The following PI4KB variants were observed in gnomAD, a reference collection of about 807,000 sequenced individuals.
PI4KB encodes the protein PtdIns 4-kinase beta.
PI4KB carries 23 observed loss-of-function variants against 81.4 expected under a neutral mutation model. The observed-to-expected ratio is 0.28, with a 90% CI of 0.20 to 0.40. The LOEUF is 0.40. Among genes scored for constraint, PI4KB ranks in the 10% least tolerant of loss-of-function variants. PI4KB has a pLI of 1.00. For missense variants in PI4KB, 651 were observed against 1,036.6 expected (o/e 0.63, Z 5.11); for synonymous variants, 381 against 406.8 (o/e 0.94, Z 0.76).
At chr1:151,303,355 A>G (rs770086760) in intron 6 of PI4KB, 186 bp downstream of exon 6, 5 of 596,974 alleles carry the variant, frequency 8.4e-6, no homozygotes, top group Non-Finnish European at 1.5e-5. Flanking sequence ...CTTCTTTGGT[A>G]GCCCAAGTAA....
rs1044578917 is a variant in PI4KB at position 151,292,776 on chromosome 1, G to A, written c.*76C>T. The A allele has an allele frequency of 4.4e-6, 6 of 1,375,608 alleles. No homozygotes were observed. The highest frequency in any genetic ancestry group is 4.0e-6 in the Non-Finnish European group (4 of 999,254). The allele number at this position is 1,375,608 out of a possible 1,614,324, so 85.2% of individuals were successfully genotyped here. A position where few individuals can be genotyped will look rare whatever the true frequency, so the allele number is the denominator to read the frequency against. ...ATGGTTGGGTAGGTGGGGTTTCCTG[G>A]TTTGGGGTTTCTCAGACAAGGGCCC... is the stretch of plus-strand genomic sequence containing the variant. On this transcript the variant is annotated 3_prime_UTR_variant, in exon 12 of 12. Coordinates refer to ENST00000368873, the MANE Select transcript of PI4KB (RefSeq NM_001369623.2).
In PI4KB at chr1:151,293,863, A is replaced by C. The variant is rs1224290097; in HGVS notation, c.2269+155T>G. On this transcript the variant is annotated intron_variant, in intron 11 of 11. Coordinates refer to ENST00000368873, the MANE Select transcript of PI4KB (RefSeq NM_001369623.2). ...TTACCAGGGTCAGGAGGAATGTCCT[A>C]AAGGAGAAACAAGGCACTGGACCAG... The C allele has an allele frequency of 5.1e-6, 4 of 786,888 alleles. No homozygotes were observed. In the South Asian group the frequency reaches 7.2e-5, roughly 14 times the overall value. The allele number at this position is 786,888 out of a possible 1,614,324, so 48.7% of individuals were successfully genotyped here. A position where few individuals can be genotyped will look rare whatever the true frequency, so the allele number is the denominator to read the frequency against.
In PI4KB at chr1:151,310,198, T is replaced by G. The variant is rs777327915; in HGVS notation, c.954+13A>C. 1 of 1,597,154 alleles carries G rather than the reference T, an allele frequency of 6.3e-7. No homozygotes were observed. Among genetic ancestry groups the G allele is most frequent in the East Asian group, 2.3e-5 (1 of 44,132 alleles). ...GGGAGCCTGCCACCCCGTCCCAGCC[T>G]GGCCCCACTTACGGAACTGAATGAA... is the stretch of plus-strand genomic sequence containing the variant. On this transcript the variant is annotated intron_variant, in intron 3 of 11. Coordinates refer to ENST00000368873, the MANE Select transcript of PI4KB (RefSeq NM_001369623.2).
intron 1 of PI4KB, among the ~76,000 whole-genome samples, chr1:151,325,887 T>G (rs1211090525): frequency 6.6e-6 from 1 of 152,172 alleles, no homozygotes; most frequent in East Asian, 1.9e-4. Context: ...AGTGGGCATT[T>G]TCCAAAAGGA....
Position 151,291,894 on chromosome 1 carries a change from G to A in PI4KB, c.*958C>T, listed in dbSNP as rs1694293076. The stretch of plus-strand genomic sequence containing the variant: ...AACCAGACCATTAAAACTGTTTGTG[G>A]TCGAATCTCCATTCAGGCCTCTCTT... On this transcript the variant is annotated 3_prime_UTR_variant, in exon 12 of 12. Transcript: ENST00000368873. 6.6e-6 allele frequency: 1 copy of A among 152,144 alleles called. No homozygotes were observed. Among genetic ancestry groups the A allele is most frequent in the Admixed American group, 6.6e-5 (1 of 15,256 alleles). 9.4% of individuals were successfully genotyped at this position (152,144 alleles called of 1,614,324 possible).
chr1:151,304,346 T>TG (rs1455647877), intron 5 of PI4KB, among the ~76,000 whole-genome samples: 13 of 150,686 alleles, frequency 8.6e-5, no homozygotes, highest in Middle Eastern at 3.4e-3. Context: ...GCTGTGTGTT[T>TG]TTTTTTTTTT....
chr1:151,292,351 C>CAGGGGTCGGTCCCTGGG lies in PI4KB; in HGVS notation c.*484_*500dup, dbSNP rs1178751860. 3.8e-5 allele frequency: 6 copies of CAGGGGTCGGTCCCTGGG among 156,728 alleles called. No homozygotes were observed. The highest frequency in any genetic ancestry group is 1.5e-4 in the African/African-American group (6 of 41,372). 9.7% of individuals were successfully genotyped at this position (156,728 alleles called of 1,614,324 possible). ...GCCCGCCAGCAAGGGGAGCTTGGGC[C>CAGGGGTCGGTCCCTGGG]AGGGGTCGGTCCCTGGGAGGGGTAG... On this transcript the variant is annotated 3_prime_UTR_variant, in exon 12 of 12. Transcript: ENST00000368873.
intron 5 of PI4KB, 132 bp downstream of exon 5, chr1:151,306,004 C>T: frequency 3.1e-6 from 2 of 654,876 alleles, no homozygotes; most frequent in Non-Finnish European, 2.7e-6. Context: ...CATATTACCC[C>T]TCACTACCTA....
Position 151,315,606 on chromosome 1 carries a change from T to C in PI4KB, c.876A>G (p.Thr292=). ...CATTCTCCACTTTAGGGTTGCTGGC[T>C]GTTCGTTTCAGGTTGCTGCTGAGAC... ...SISLSSNLKR[T]ASNPKVENED... is the part of the protein sequence containing the mutation. Residue 292 remains threonine (T), a synonymous_variant, in exon 2 of 12, where the codon ACA becomes ACG. Coordinates refer to ENST00000368873, the MANE Select transcript of PI4KB (RefSeq NM_001369623.2). 1 of 1,614,102 alleles carries C rather than the reference T, an allele frequency of 6.2e-7. No individual in the cohort carries two copies. The highest frequency in any genetic ancestry group is 8.5e-7 in the Non-Finnish European group (1 of 1,180,012).
Position 151,315,739 on chromosome 1 carries a change from G to C in PI4KB, c.743C>G (p.Ala248Gly). 6.2e-7 allele frequency: 1 copy of C among 1,613,928 alleles called. No individual in the cohort carries two copies. The highest frequency in any genetic ancestry group is 8.5e-7 in the Non-Finnish European group (1 of 1,179,904). ...KLILSDELKP[A>G]HRKRELPSLS... is the part of the protein sequence containing the mutation. ...GGAGGGCAGCTCCCTCTTCCTGTGA[G>C]CTGGCTTTAGCTCATCTGAGAGGAT... Residue 248 changes from alanine (A) to glycine (G), a missense_variant, in exon 2 of 12, where the codon GCT becomes GGT. Transcript: ENST00000368873.
At chr1:151,301,060 C>T (rs777937766) in intron 8 of PI4KB, 1 of 152,222 alleles carries the variant, frequency 6.6e-6, no homozygotes, top group Admixed American at 6.5e-5. Flanking sequence ...CAAAAGAGGC[C>T]GCTGTGGAGC....
chr1:151,301,256 C>T (rs1336994764), intron 8 of PI4KB, among the ~76,000 whole-genome samples: 1 of 152,206 alleles, frequency 6.6e-6, no homozygotes, highest in Non-Finnish European at 1.5e-5. Context: ...TGCTCTGTCG[C>T]CCAGGCTAGA....
chr1:151,294,501 T>G lies in PI4KB; in HGVS notation c.2056A>C (p.Ile686Leu). 6.2e-7 allele frequency: 1 copy of G among 1,614,016 alleles called. No individual in the cohort carries two copies. Among genetic ancestry groups the G allele is most frequent in the Non-Finnish European group, 8.5e-7 (1 of 1,179,986 alleles). Residue 686 changes from isoleucine (I) to leucine (L), a missense_variant, in exon 10 of 12, where the codon ATC becomes CTC. By Grantham distance (5) the Ile-to-Leu change is conservative. Coordinates refer to ENST00000368873, the MANE Select transcript of PI4KB (RefSeq NM_001369623.2). The part of the protein sequence containing the change: ...NILLDAEGHI[I>L]HIDFGFILSS... ...AGGATGAAGCCAAAGTCGATGTGGATGATGTGGCCTTCTGCGTCCAAAAGG... is the reference window on the plus strand; with the variant it reads ...AGGATGAAGCCAAAGTCGATGTGGAGGATGTGGCCTTCTGCGTCCAAAAGG...
At chr1:151,303,061 C>G (rs1198528118) in intron 6 of PI4KB, among the ~76,000 whole-genome samples, 1 of 127,066 alleles carries the variant, frequency 7.9e-6, no homozygotes, top group Non-Finnish European at 1.6e-5. Context: ...TGCAGTGGTG[C>G]GATCTCGGCT....
intron 1 of PI4KB, among the ~76,000 whole-genome samples, chr1:151,324,372 C>T (rs913956519): frequency 6.6e-6 from 1 of 152,178 alleles, no homozygotes; most frequent in Non-Finnish European, 1.5e-5. Flanking sequence ...CTAACTCAAA[C>T]CTTTCTTTAA....
chr1:151,302,427 G>A, intron 6 of PI4KB, 129 bp from the exon 7 acceptor site: 2 of 650,004 alleles, frequency 3.1e-6, no homozygotes, highest in Non-Finnish European at 5.5e-6. Flanking sequence ...AGGCTGAAAG[G>A]GACTCATGGA....
At chr1:151,293,939 C>T in intron 11 of PI4KB, 79 bp downstream of exon 11, 1 of 1,534,718 alleles carries the variant, frequency 6.5e-7, no homozygotes, top group Non-Finnish European at 8.9e-7. Flanking sequence ...CTCGTGGGAT[C>T]AGCTTTCTTA....
chr1:151,293,774 T>G (rs970700027), intron 11 of PI4KB: 1 of 468,908 alleles, frequency 2.1e-6, no homozygotes, highest in Middle Eastern at 4.3e-4. Context: ...GGGCCTGTTT[T>G]CTCCCTAAAG....
intron 2 of PI4KB, among the ~76,000 whole-genome samples, chr1:151,312,711 G>A (rs1423140795): frequency 6.6e-6 from 1 of 152,190 alleles, no homozygotes; most frequent in Non-Finnish European, 1.5e-5. Context: ...CTTGACAGAC[G>A]CATCCTCAAA....
Sources: gnomAD v4.1 joint callset for allele counts (sites outside exome capture counted in the v4.1 genomes callset) on GRCh38, gnomAD v4.1.1 for gene constraint, MANE v1.5 for transcripts, NCBI Gene and HGNC (gene_info 2026-07-23, HGNC 2026-07-21) for gene names.